FAM20C: variants seen among roughly 807,000 people sequenced by gnomAD.
FAM20C encodes FAM20C golgi associated secretory pathway kinase, also known as extracellular serine/threonine protein kinase FAM20C.
A neutral mutation model predicts 51.5 loss-of-function variants in FAM20C; 40 were observed. The observed-to-expected ratio is 0.78, with a 90% CI of 0.60 to 1.01. The LOEUF is 1.01. FAM20C is among the 50% of genes least tolerant of loss of function. The probability of loss-of-function intolerance (pLI) is 0.00; values close to 1 mark genes in which losing one functional copy is unlikely to be tolerated. For synonymous variants in FAM20C, 406 were observed against 380.6 expected (o/e 1.07, Z -0.78); for missense variants, 861 against 844.7 (o/e 1.02, Z -0.24).
Position 193,321 on chromosome 7 carries a change from C to T in FAM20C, c.122C>T (p.Ser41Leu). 7.2e-7 allele frequency: 1 copy of T among 1,384,818 alleles called. No individual in the cohort carries two copies. Among genetic ancestry groups the T allele is most frequent in the Non-Finnish European group, 9.4e-7 (1 of 1,060,550 alleles). The allele number at this position is 1,384,818 out of a possible 1,614,324, so 85.8% of individuals were successfully genotyped here. The change falls in exon 1 of 10, where the codon TCG becomes TTG. Residue 41 changes from serine (S) to leucine (L), a missense_variant. By Grantham distance (145) the Ser-to-Leu change is moderately radical. Around this residue, in one of 3 missense-constraint regions of FAM20C, gnomAD observed 561 missense variants for 499.8 expected, o/e 1.12. Transcript: ENST00000313766. ...PRLERRGARP[S>L]GEPGCSCAQP... is the part of the protein sequence containing the mutation. ...CTGGAGCGACGCGGCGCGCGGCCCT[C>T]GGGGGAGCCCGGCTGTTCGTGCGCG...
Position 203,521 on chromosome 7 carries a change from G to T in FAM20C, c.785-5377G>T, listed in dbSNP as rs201696324. ...CCGATGAGCACCGAAGGCCTGAGAC[G>T]CAGGGCAGCTTGTGTGTCGGTCTTT... On this transcript the variant is annotated intron_variant, in intron 2 of 9. Transcript: ENST00000313766. Among the ~76,000 whole-genome samples the T allele has an allele frequency of 7.2e-5, 11 of 152,352 alleles. No homozygotes were observed. The East Asian group carries it at 1.9e-3, about 27-fold the overall frequency.
intron 2 of FAM20C, among the ~76,000 whole-genome samples, chr7:206,446 C>A (rs918980605): frequency 2.0e-5 from 3 of 152,164 alleles, no homozygotes; most frequent in Admixed American, 1.3e-4. Flanking sequence ...CACCTTTGCA[C>A]CCTCCCGTGC....
intron 3 of FAM20C, chr7:246,130 C>T (rs1788143935): frequency 3.2e-6 from 1 of 317,150 alleles, no homozygotes; most frequent in Non-Finnish European, 6.0e-6. Context: ...GGAGCTGGGA[C>T]CTCCGGCCTC....
Position 193,544 on chromosome 7 carries a change from G to T in FAM20C, c.345G>T (p.Glu115Asp), listed in dbSNP as rs1316993591. ...HSLEKLPPAA[E>D]PAERALRGRD... ...TGGAGAAACTGCCGCCCGCGGCCGA[G>T]CCGGCCGAGCGCGCCTTGCGGGGGC... is the stretch of plus-strand genomic sequence containing the variant. Residue 115 changes from glutamate to aspartate, a missense_variant, in exon 1 of 10, where the codon GAG (glutamate) becomes GAT (aspartate). By Grantham distance (45) the Glu-to-Asp change is conservative. Around this residue, in one of 3 missense-constraint regions of FAM20C, gnomAD observed 561 missense variants for 499.8 expected, o/e 1.12. Transcript: ENST00000313766. 5 of 1,495,106 alleles carry T rather than the reference G, an allele frequency of 3.3e-6. No individual in the cohort carries two copies. Among genetic ancestry groups the T allele is most frequent in the Non-Finnish European group, 4.5e-6 (5 of 1,119,398 alleles). The allele number at this position is 1,495,106 out of a possible 1,614,324, so 92.6% of individuals were successfully genotyped here.
chr7:199,163 G>A (rs4074118), intron 2 of FAM20C, among the ~76,000 whole-genome samples: 100,544 of 152,162 alleles, frequency 0.66, 33,420 homozygotes, highest in East Asian at 0.74. Context: ...TGCCTGGCTG[G>A]CCTGACTCAG....
rs747416986 is a variant in FAM20C at position 193,390 on chromosome 7, G to C, written c.191G>C (p.Arg64Pro). 9 of 1,373,002 alleles carry C rather than the reference G, an allele frequency of 6.6e-6. No individual in the cohort carries two copies. The East Asian group carries it at 2.7e-4, about 41-fold the overall frequency. The allele number at this position is 1,373,002 out of a possible 1,614,324, so 85.1% of individuals were successfully genotyped here. The change falls in exon 1 of 10, where the codon CGG becomes CCG. Residue 64 changes from arginine to proline, a missense_variant. Around this residue, in one of 3 missense-constraint regions of FAM20C, gnomAD observed 561 missense variants for 499.8 expected, o/e 1.12. Transcript: ENST00000313766. The part of the protein sequence containing the change: ...EVAAPGWAQV[R>P]GRPGEPPAAS... The stretch of plus-strand genomic sequence containing the variant: ...GCCGCGCCCGGCTGGGCCCAGGTTC[G>C]GGGCCGCCCCGGGGAGCCCCCGGCC...
chr7:207,839 T>C (rs1786505787), intron 2 of FAM20C, among the ~76,000 whole-genome samples: 1 of 152,198 alleles, frequency 6.6e-6, no homozygotes, highest in South Asian at 2.1e-4. Flanking sequence ...GGCCAGCCCC[T>C]TCCCTGCTGT....
At chr7:254,047 T>G (rs1187282179) in intron 5 of FAM20C, among the ~76,000 whole-genome samples, 2 of 152,146 alleles carry the variant, frequency 1.3e-5, no homozygotes, top group African/African-American at 4.8e-5. Flanking sequence ...TGACCCAGCG[T>G]TGGCAGTGGG....
At chr7:259,424 C>T (rs895067107) in intron 9 of FAM20C, among the ~76,000 whole-genome samples, 4 of 149,146 alleles carry the variant, frequency 2.7e-5, no homozygotes, top group African/African-American at 5.1e-5. Context: ...CGGTCTCTCT[C>T]GTCTCTGCCG....
chr7:220,550 C>T (rs555219771), intron 3 of FAM20C, among the ~76,000 whole-genome samples: 2 of 152,298 alleles, frequency 1.3e-5, no homozygotes, highest in East Asian at 3.9e-4. Flanking sequence ...GGGGTCTCTC[C>T]CACAAACTGA....
intron 3 of FAM20C, among the ~76,000 whole-genome samples, chr7:236,500 T>C (rs1356586182): frequency 3.3e-5 from 5 of 152,014 alleles, no homozygotes; most frequent in Non-Finnish European, 5.9e-5. Context: ...CTGCAAAAAT[T>C]TCCCCCCTTC....
At chr7:212,091 G>A (rs996631312) in intron 3 of FAM20C, among the ~76,000 whole-genome samples, 1 of 152,200 alleles carries the variant, frequency 6.6e-6, no homozygotes, top group Admixed American at 6.5e-5. Context: ...TTCTTCTTCC[G>A]CAGAGGCTGT....
Position 256,658 on chromosome 7 carries a change from G to T in FAM20C, c.1258G>T (p.Glu420Ter). The change falls in exon 7 of 10, where the codon GAG becomes TAG. Residue 420 changes from glutamate to a stop codon, truncating the protein, a stop_gained. Transcript: ENST00000313766. LOFTEE classifies it high-confidence loss of function. ...TCTCACGCTGGCTCCCCGCAGGTGGGAGGTGGACCCTGACTACTGCGAGGA... is the reference window on the plus strand; with the variant it reads ...TCTCACGCTGGCTCCCCGCAGGTGGTAGGTGGACCCTGACTACTGCGAGGA... ...SYHKRKKAEWEVDPDYCEEVK... is the reference protein window; with the variant it reads ...SYHKRKKAEW The T allele has an allele frequency of 1.3e-6, 2 of 1,535,944 alleles. No individual in the cohort carries two copies. The highest frequency in any genetic ancestry group is 1.7e-6 in the Non-Finnish European group (2 of 1,146,732).
chr7:259,582 C>CTCTT, intron 9 of FAM20C, 149 bp from the exon 10 acceptor site: 7 of 1,004,546 alleles, frequency 7.0e-6, no homozygotes, highest in African/African-American at 2.3e-5. Flanking sequence ...CTGTGTATGT[C>CTCTT]TCTGTCTTTT....
At chr7:228,640 A>G (rs1258849901) in intron 3 of FAM20C, 1 of 456,130 alleles carries the variant, frequency 2.2e-6, no homozygotes, top group Non-Finnish European at 4.4e-6. Context: ...CTGTCCCAAC[A>G]AGAAGCTCAG....
chr7:206,465 G>A lies in FAM20C; in HGVS notation c.785-2433G>A, dbSNP rs373114683. ...TTTGCACCCTCCCGTGCACTGTGAT[G>A]CGTTGGCCCTGGTCCCCTCGGCCCT... On this transcript the variant is annotated intron_variant, in intron 2 of 9. Transcript: ENST00000313766. Among the ~76,000 whole-genome samples, 40 of 152,266 alleles carry A rather than the reference G, an allele frequency of 2.6e-4. 4 individuals carry two copies. The South Asian group carries it at 8.3e-3, about 32-fold the overall frequency.
intron 3 of FAM20C, among the ~76,000 whole-genome samples, chr7:233,170 G>T (rs1787749594): frequency 6.6e-6 from 1 of 152,222 alleles, no homozygotes. Flanking sequence ...GAGAGCCATG[G>T]GGGCTCCCGT....
chr7:256,195 G>A, intron 6 of FAM20C, 166 bp downstream of exon 6: 1 of 870,344 alleles, frequency 1.1e-6, no homozygotes, highest in Non-Finnish European at 1.7e-6. Context: ...TGAGACGGTG[G>A]CAGAGGGCGT....
At chr7:252,977 C>T (rs1228144017) in intron 5 of FAM20C, among the ~76,000 whole-genome samples, 1 of 152,256 alleles carries the variant, frequency 6.6e-6, no homozygotes, top group Non-Finnish European at 1.5e-5. Flanking sequence ...AGGACCAGGC[C>T]CAGGTCCTCA....
Sources: gnomAD v4.1 joint callset for allele counts (sites outside exome capture counted in the v4.1 genomes callset) on GRCh38, gnomAD v4.1.1 for gene constraint, gnomAD v4.1.1 regional missense constraint, MANE v1.5 for transcripts, NCBI Gene and HGNC (gene_info 2026-07-23, HGNC 2026-07-21) for gene names.